DGKB: variants seen among roughly 807,000 people sequenced by gnomAD.
DGKB encodes diacylglycerol kinase beta.
In DGKB, 67 loss-of-function variants were observed where a neutral mutation model predicts 114.3. The observed-to-expected ratio is 0.59, with a 90% CI of 0.48 to 0.72. The LOEUF (loss-of-function observed/expected upper bound fraction) is 0.72, where lower values mean the gene tolerates loss of function less well. Ranked by LOEUF, DGKB falls within the 30% of genes least tolerant of loss-of-function variation. The pLI, the probability that DGKB is intolerant of heterozygous loss-of-function variation, is 0.00. For synonymous variants in DGKB, 398 were observed against 323.1 expected (o/e 1.23, Z -2.49); for missense variants, 907 against 975.2 (o/e 0.93, Z 0.93).
intron 13 of DGKB, among the ~76,000 whole-genome samples, chr7:14,655,805 C>T (rs1224969312): frequency 4.0e-5 from 6 of 151,512 alleles, no homozygotes; most frequent in Admixed American, 2.0e-4. Context: ...CACATTCTTA[C>T]TTATATATGG....
intron 23 of DGKB, among the ~76,000 whole-genome samples, chr7:14,271,471 T>A (rs2128433575): frequency 6.6e-6 from 1 of 152,266 alleles, no homozygotes; most frequent in Non-Finnish European, 1.5e-5. Flanking sequence ...ACACATACAT[T>A]TTAGCACCAA....
intron 23 of DGKB, among the ~76,000 whole-genome samples, chr7:14,214,124 G>A (rs1242315609): frequency 6.6e-6 from 1 of 151,944 alleles, no homozygotes; most frequent in Admixed American, 6.6e-5. Context: ...AGTCTACTCA[G>A]CCTCCCTCAA....
intron 23 of DGKB, among the ~76,000 whole-genome samples, chr7:14,275,127 T>C (rs1013047826): frequency 6.6e-6 from 1 of 152,156 alleles, no homozygotes; most frequent in East Asian, 1.9e-4. Flanking sequence ...TAATTCACAG[T>C]TTTTATGTTA....
intron 20 of DGKB, among the ~76,000 whole-genome samples, chr7:14,504,297 G>C (rs1410997673): frequency 6.6e-6 from 1 of 152,164 alleles, no homozygotes; most frequent in East Asian, 1.9e-4. Flanking sequence ...TAGCTGGTTT[G>C]GATACCAGCT....
chr7:14,241,128 G>A (rs904681517), intron 23 of DGKB, among the ~76,000 whole-genome samples: 4 of 152,020 alleles, frequency 2.6e-5, no homozygotes, highest in Non-Finnish European at 4.4e-5. Context: ...AATGTACGGC[G>A]CTTTCATCTA....
intron 20 of DGKB, among the ~76,000 whole-genome samples, chr7:14,508,912 T>C (rs1563356426): frequency 6.6e-6 from 1 of 152,202 alleles, no homozygotes; most frequent in Non-Finnish European, 1.5e-5. Flanking sequence ...TGTAGGAACA[T>C]CACATTCATT....
chr7:14,495,012 T>C (rs1785097254), intron 20 of DGKB, among the ~76,000 whole-genome samples: 1 of 151,850 alleles, frequency 6.6e-6, no homozygotes, highest in Admixed American at 6.6e-5. Context: ...TTTGATAGTA[T>C]TGTTGATATC....
In DGKB at chr7:14,418,371, GTATATATATA is replaced by G. The variant is rs369934623; in HGVS notation, c.1835+59780_1835+59789del. ...TATATTCACATATATATGTGTGTGTGTATATATATATATATATATATACACACACACATAT... is the reference window on the plus strand; with the variant it reads ...TATATTCACATATATATGTGTGTGTGTATATATATATACACACACACATAT... On this transcript the variant is annotated intron_variant, in intron 21 of 25. Transcript: ENST00000402815. Among the ~76,000 whole-genome samples the G allele has an allele frequency of 1.3e-3, 166 of 129,918 alleles. 3 individuals are homozygous for G. Among genetic ancestry groups the G allele is most frequent in the Non-Finnish European group, 2.2e-3 (136 of 62,444 alleles). The allele number at this position is 129,918 out of a possible 152,430, so 85.2% of individuals were successfully genotyped here.
chr7:14,753,060 A>T (rs182660043), intron 4 of DGKB, among the ~76,000 whole-genome samples: 3 of 152,320 alleles, frequency 2.0e-5, no homozygotes, highest in Middle Eastern at 6.8e-3. Context: ...ATATTGTAAG[A>T]TGTAGGATCT....
intron 6 of DGKB, among the ~76,000 whole-genome samples, chr7:14,705,153 C>T (rs1202863902): frequency 2.0e-5 from 3 of 151,642 alleles, no homozygotes; most frequent in Non-Finnish European, 2.9e-5. Flanking sequence ...AACCAAGGCT[C>T]GAGAGCTACG....
At chr7:14,621,518 A>G (rs574677412) in intron 14 of DGKB, 24 bp from the exon 15 acceptor site, 13 of 1,361,214 alleles carry the variant, frequency 9.6e-6, no homozygotes, top group Non-Finnish European at 1.3e-5. Context: ...AATTTTGATA[A>G]AAATAAAAAT....
intron 20 of DGKB, among the ~76,000 whole-genome samples, chr7:14,488,274 T>C (rs960752281): frequency 1.3e-5 from 2 of 152,160 alleles, no homozygotes; most frequent in African/African-American, 2.4e-5. Context: ...TCTTGCTCTT[T>C]CCTGCGTACA....
At chr7:14,366,854 T>A (rs974033844) in intron 21 of DGKB, among the ~76,000 whole-genome samples, 2 of 152,148 alleles carry the variant, frequency 1.3e-5, no homozygotes, top group African/African-American at 4.8e-5. Context: ...AATTATATAC[T>A]TTATTGTGTC....
intron 25 of DGKB, among the ~76,000 whole-genome samples, chr7:14,155,329 C>G: frequency 6.6e-6 from 1 of 152,136 alleles, no homozygotes; most frequent in East Asian, 1.9e-4. Context: ...TGAATAGATA[C>G]ATATGTATTT....
chr7:14,446,546 A>G (rs2128825786), intron 21 of DGKB, among the ~76,000 whole-genome samples: 1 of 152,264 alleles, frequency 6.6e-6, no homozygotes, highest in Middle Eastern at 3.4e-3. Context: ...CAATTCAACT[A>G]AACCTTGACT....
At chr7:14,924,688 A>G (rs1383071810) in intron 1 of DGKB, among the ~76,000 whole-genome samples, 1 of 152,126 alleles carries the variant, frequency 6.6e-6, no homozygotes, top group Non-Finnish European at 1.5e-5. Context: ...GTTTTGTTTC[A>G]ATAGTAATCA....
At chr7:14,819,916 T>C (rs973382432) in intron 2 of DGKB, among the ~76,000 whole-genome samples, 5 of 152,152 alleles carry the variant, frequency 3.3e-5, no homozygotes, top group African/African-American at 1.2e-4. Flanking sequence ...GAGACCAAGA[T>C]TGGAATAGGT....
At chr7:14,232,709 T>C (rs1414795967) in intron 23 of DGKB, among the ~76,000 whole-genome samples, 1 of 152,006 alleles carries the variant, frequency 6.6e-6, no homozygotes, top group Non-Finnish European at 1.5e-5. Flanking sequence ...ACACCCCAAA[T>C]GTGTTACTAA....
At chr7:14,729,757 C>A (rs1830648497) in intron 5 of DGKB, among the ~76,000 whole-genome samples, 2 of 152,216 alleles carry the variant, frequency 1.3e-5, no homozygotes, top group South Asian at 4.2e-4. Context: ...AAGTGGTTTA[C>A]AATATTTATT....
Sources: allele counts gnomAD v4.1 joint callset (sites outside exome capture counted in the v4.1 genomes callset), GRCh38; gene constraint gnomAD v4.1.1; transcripts MANE v1.5; gene names NCBI Gene and HGNC (gene_info 2026-07-23, HGNC 2026-07-21).